Variants in BUB1 observed in about 807,000 individuals in gnomAD.
BUB1 encodes the protein mitotic checkpoint serine/threonine-protein kinase BUB1.
Under a neutral mutation model 135.2 loss-of-function variants are expected in BUB1, and 84 were observed. That is an observed-to-expected ratio of 0.62 (90% CI 0.52 to 0.74). BUB1 has a LOEUF of 0.74. Ranked by LOEUF, BUB1 falls within the 30% of genes least tolerant of loss-of-function variation. BUB1 has a pLI of 0.00. For missense variants in BUB1, 1,162 were observed against 1,288.3 expected (o/e 0.90, Z 1.50); for synonymous variants, 403 against 434.4 (o/e 0.93, Z 0.90).
In BUB1 at chr2:110,672,928, C is replaced by T. The variant is rs1051726042; in HGVS notation, c.226-71G>A. On this transcript the variant is annotated intron_variant, in intron 3 of 24. Transcript: ENST00000302759. ...AGTCTATGTCTGGTGAGGAGTTAGC[C>T]AGCTAAGCTGGGAGCCCCTAGGTAG... 12 of 1,434,116 alleles carry T rather than the reference C, an allele frequency of 8.4e-6. No individual in the cohort carries two copies. The African/African-American group carries it at 1.6e-4, about 19-fold the overall frequency. 88.8% of individuals were successfully genotyped at this position (1,434,116 alleles called of 1,614,324 possible).
chr2:110,672,223 T>C (rs1690442984), intron 4 of BUB1, among the ~76,000 whole-genome samples: 1 of 150,600 alleles, frequency 6.6e-6, no homozygotes, highest in South Asian at 2.1e-4. Context: ...TGAGACTCCA[T>C]CTCAAAAAAA....
intron 20 of BUB1, 100 bp from the exon 21 acceptor site, chr2:110,641,903 T>C: frequency 7.5e-7 from 1 of 1,328,414 alleles, no homozygotes; most frequent in South Asian, 1.4e-5. Context: ...GTGTTGATAG[T>C]GATGACAAGC....
chr2:110,662,263 AT>A (rs1214230352), intron 9 of BUB1, among the ~76,000 whole-genome samples: 2 of 152,218 alleles, frequency 1.3e-5, no homozygotes, highest in African/African-American at 4.8e-5. Context: ...AGGGAAAAAA[AT>A]AAATAAATAA....
At chr2:110,644,073 A>AT (rs1234907922) in intron 19 of BUB1, among the ~76,000 whole-genome samples, 5 of 150,812 alleles carry the variant, frequency 3.3e-5, no homozygotes, top group Non-Finnish European at 7.4e-5. Context: ...AAAAAAAAAA[A>AT]AAAAAAAATA....
chr2:110,655,785 T>C lies in BUB1; in HGVS notation c.1830A>G (p.Pro610=), dbSNP rs778842789. The stretch of plus-strand genomic sequence containing the variant: ...CTGACTCCACTGGAAGCTTGTGGAA[T>C]GGTGTAGACGCAAGTTGTGCAGCAG... ...FTSAAQLAST[P]FHKLPVESVH... The change falls in exon 16 of 25, where the codon CCA becomes CCG. Residue 610 remains proline (P), a synonymous_variant. Transcript: ENST00000302759. The C allele has an allele frequency of 6.2e-7, 1 of 1,613,942 alleles. No homozygotes were observed. Among genetic ancestry groups the C allele is most frequent in the Admixed American group, 1.7e-5 (1 of 60,010 alleles).
intron 18 of BUB1, among the ~76,000 whole-genome samples, chr2:110,650,058 A>AAGAGGG (rs1165643997): frequency 2.6e-5 from 4 of 152,120 alleles, no homozygotes; most frequent in Non-Finnish European, 4.4e-5. Flanking sequence ...CTCTACAGAA[A>AAGAGGG]AGAGGGATAT....
chr2:110,641,979 C>A (rs369687502), intron 20 of BUB1, 140 bp downstream of exon 20: 1 of 1,014,744 alleles, frequency 9.9e-7, no homozygotes, highest in East Asian at 2.6e-5. Context: ...AATTCTAAAT[C>A]TTTTGTAGTT....
chr2:110,639,556 G>C (rs558465215), intron 24 of BUB1, among the ~76,000 whole-genome samples, 186 bp downstream of exon 24: 3 of 152,128 alleles, frequency 2.0e-5, no homozygotes, highest in Admixed American at 1.3e-4. Context: ...AGTGGGGAGA[G>C]AGAAGTGGTA....
intron 16 of BUB1, 152 bp from the exon 17 acceptor site, chr2:110,653,675 A>T (rs530590252): frequency 1.3e-5 from 9 of 698,340 alleles, no homozygotes; most frequent in Admixed American, 5.9e-5. Context: ...ATGTATAATA[A>T]GATTAAAAAA....
chr2:110,668,124 G>C (rs1263758314), intron 6 of BUB1, among the ~76,000 whole-genome samples: 3 of 152,118 alleles, frequency 2.0e-5, no homozygotes, highest in Non-Finnish European at 4.4e-5. Flanking sequence ...AAGAACCATA[G>C]CTGATTTCCC....
At chr2:110,674,273 T>C (rs772165593) in intron 2 of BUB1, 33 bp downstream of exon 2, 1 of 1,613,304 alleles carries the variant, frequency 6.2e-7, no homozygotes, top group Non-Finnish European at 8.5e-7. Flanking sequence ...GTGTATAGTT[T>C]GTTTAAGGGA....
At chr2:110,660,311 G>A (rs1265679662) in intron 10 of BUB1, among the ~76,000 whole-genome samples, 9 of 152,088 alleles carry the variant, frequency 5.9e-5, no homozygotes, top group African/African-American at 1.9e-4. Flanking sequence ...AGGAGGCAGA[G>A]GTTGCAGTGA....
In BUB1 at chr2:110,674,356, T is replaced by G; in HGVS notation, c.36A>C (p.Glu12Asp). The change falls in exon 2 of 25, where the codon GAA (glutamate) becomes GAC (aspartate). Residue 12 changes from glutamate to aspartate, a missense_variant. By Grantham distance (45) the Glu-to-Asp change is conservative. Coordinates refer to ENST00000302759, the MANE Select transcript of BUB1 (RefSeq NM_004336.5). ...TGCCCTTGTAGCTCTGCATGTGGGCTTCAAGCATCCTAGAAGAGAGAAAGG... is the reference window on the plus strand; with the variant it reads ...TGCCCTTGTAGCTCTGCATGTGGGCGTCAAGCATCCTAGAAGAGAGAAAGG... ...DTPENVLQML[E>D]AHMQSYKGND... 6.2e-7 allele frequency: 1 copy of G among 1,614,010 alleles called. No homozygotes were observed. Among genetic ancestry groups the G allele is most frequent in the Non-Finnish European group, 8.5e-7 (1 of 1,179,960 alleles).
In BUB1 at chr2:110,672,698, G is replaced by C. The variant is rs1324060028; in HGVS notation, c.385C>G (p.Gln129Glu). Residue 129 changes from glutamine to glutamate, a missense_variant, in exon 4 of 25, where the codon CAG becomes GAG. Gln to Glu is a conservative substitution (Grantham distance 29). Coordinates refer to ENST00000302759, the MANE Select transcript of BUB1 (RefSeq NM_004336.5). ...SAVLQRGIQNQAEPREFLQQQ... is the reference protein window; with the variant it reads ...SAVLQRGIQNEAEPREFLQQQ... The stretch of plus-strand genomic sequence containing the variant: ...TGCAGGAACTCTCTGGGTTCAGCCT[G>C]GTTTTGAATTCCTCTCTGAAGGACA... 2 of 1,608,068 alleles carry C rather than the reference G, an allele frequency of 1.2e-6. No individual in the cohort carries two copies. The highest frequency in any genetic ancestry group is 1.1e-5 in the South Asian group (1 of 89,994).
Position 110,667,643 on chromosome 2 carries a change from T to C in BUB1, c.683A>G (p.Lys228Arg), listed in dbSNP as rs763409561. ...EYSVHSSLAS[K>R]VDVEQVVMYC... ...CATAACAACCTGCTCAACATCAACT[T>C]TGGATGCCAAAGATGAGTGCACAGA... The change falls in exon 8 of 25, where the codon AAA (lysine) becomes AGA (arginine). Residue 228 changes from lysine to arginine, a missense_variant. Lys to Arg is a conservative substitution (Grantham distance 26). Transcript: ENST00000302759. The C allele has an allele frequency of 9.9e-6, 16 of 1,613,908 alleles. No homozygotes were observed. The highest frequency in any genetic ancestry group is 1.7e-5 in the Admixed American group (1 of 59,994).
In BUB1 at chr2:110,667,858, C is replaced by G; in HGVS notation, c.568-9G>C. The stretch of plus-strand genomic sequence containing the variant: ...CCAGAAAGCTCTGAACCCTAAAAAA[C>G]AGAAAACAAACATGAGCATTCACTT... On this transcript the variant is annotated splice_polypyrimidine_tract_variant and intron_variant, in intron 6 of 24. Transcript: ENST00000302759. 6.2e-7 allele frequency: 1 copy of G among 1,610,670 alleles called. No individual in the cohort carries two copies. Among genetic ancestry groups the G allele is most frequent in the Non-Finnish European group, 8.5e-7 (1 of 1,179,172 alleles).
chr2:110,641,912 G>A (rs1363325804), intron 20 of BUB1, 109 bp from the exon 21 acceptor site: 1 of 1,247,308 alleles, frequency 8.0e-7, no homozygotes, highest in Non-Finnish European at 1.1e-6. Context: ...GTGATGACAA[G>A]CTATGAACTG....
At chr2:110,654,633 CTTTT>C (rs57453073) in intron 16 of BUB1, among the ~76,000 whole-genome samples, 1 of 126,990 alleles carries the variant, frequency 7.9e-6, no homozygotes, top group Admixed American at 7.8e-5. Flanking sequence ...AGGCTTTAAT[CTTTT>C]TTTTTTTTTT....
chr2:110,674,202 TCTC>T lies in BUB1; in HGVS notation c.106_108del (p.Glu36del), dbSNP rs1559176495. On this transcript the variant is annotated inframe_deletion, in exon 3 of 25. Transcript: ENST00000302759. ...AAGTATTCTTTATTCTCAGGAAAATTCTCTTCTACCCACTGTATGTATCTAGAA... is the reference window on the plus strand; with the variant it reads ...AAGTATTCTTTATTCTCAGGAAAATTTTCTACCCACTGTATGTATCTAGAA... The T allele has an allele frequency of 1.2e-5, 20 of 1,605,726 alleles. No individual in the cohort carries two copies. The highest frequency in any genetic ancestry group is 1.6e-5 in the Non-Finnish European group (19 of 1,173,628).
Sources: gnomAD v4.1 joint callset for allele counts (sites outside exome capture counted in the v4.1 genomes callset) on GRCh38, gnomAD v4.1.1 for gene constraint, MANE v1.5 for transcripts, NCBI Gene and HGNC (gene_info 2026-07-23, HGNC 2026-07-21) for gene names.